The following FER variants were observed in gnomAD, a reference collection of about 807,000 sequenced individuals.
The protein encoded by FER is tyrosine-protein kinase Fer.
A neutral mutation model predicts 111.0 loss-of-function variants in FER; 63 were observed. That is an observed-to-expected ratio of 0.57 (90% CI 0.46 to 0.70). The LOEUF is 0.70. FER is among the 30% of genes least tolerant of loss of function. The pLI, the probability that FER is intolerant of heterozygous loss-of-function variation, is 0.00. For missense variants in FER, 914 were observed against 954.0 expected, an observed-to-expected ratio of 0.96 and a Z score of 0.55; for synonymous variants, 327 against 313.9, an observed-to-expected ratio of 1.04 and a Z score of -0.44.
chr5:108,845,348 T>C (rs778904130), intron 5 of FER, among the ~76,000 whole-genome samples: 6 of 151,160 alleles, frequency 4.0e-5, no homozygotes, highest in Non-Finnish European at 8.8e-5. Flanking sequence ...ATTTTTTGTG[T>C]ATATATATTT....
intron 1 of FER, among the ~76,000 whole-genome samples, chr5:108,757,351 T>C (rs1190316581): frequency 6.6e-6 from 1 of 152,178 alleles, no homozygotes; most frequent in Non-Finnish European, 1.5e-5. Flanking sequence ...CTATAACTTC[T>C]GTGAAGTTAT....
intron 3 of FER, among the ~76,000 whole-genome samples, chr5:108,803,062 T>C (rs550520382): frequency 9.2e-5 from 14 of 152,330 alleles, no homozygotes; most frequent in East Asian, 3.9e-4. Flanking sequence ...TGGTATCTCA[T>C]TGTGGTCTTG....
chr5:109,018,273 G>C (rs1767457254), intron 13 of FER, among the ~76,000 whole-genome samples: 1 of 151,694 alleles, frequency 6.6e-6, no homozygotes, highest in African/African-American at 2.4e-5. Context: ...GTCATTGAGT[G>C]GTTTTGCTTT....
At chr5:109,017,466 CAT>C (rs999488771) in intron 13 of FER, among the ~76,000 whole-genome samples, 1 of 151,840 alleles carries the variant, frequency 6.6e-6, no homozygotes, top group Non-Finnish European at 1.5e-5. Context: ...ACCCAAATGA[CAT>C]AGTAAGATTT....
At chr5:108,892,323 A>G (rs1452242099) in intron 9 of FER, among the ~76,000 whole-genome samples, 5 of 152,030 alleles carry the variant, frequency 3.3e-5, no homozygotes, top group African/African-American at 1.2e-4. Context: ...CCTCTCCAGC[A>G]CCTGTTGTTT....
chr5:109,010,534 GTCTCCAAGGATCAACACCTGGA>G (rs1766127498), intron 13 of FER, among the ~76,000 whole-genome samples: 1 of 151,666 alleles, frequency 6.6e-6, no homozygotes, highest in African/African-American at 2.4e-5. Flanking sequence ...ATTTATAATC[GTCTCCAAGGATCAACACCTGGA>G]TCTCCTGTGG....
intron 5 of FER, among the ~76,000 whole-genome samples, chr5:108,867,254 A>G (rs891833845): frequency 6.6e-6 from 1 of 152,158 alleles, no homozygotes; most frequent in South Asian, 2.1e-4. Context: ...ATGAAGGGAA[A>G]AAAGGAAGGT....
chr5:109,152,957 A>C (rs572809517), intron 17 of FER, among the ~76,000 whole-genome samples: 8 of 151,992 alleles, frequency 5.3e-5, no homozygotes, highest in Admixed American at 2.6e-4. Context: ...GTGGATTAAC[A>C]AAACATAGAT....
At chr5:109,054,799 A>C (rs1017477474) in intron 16 of FER, among the ~76,000 whole-genome samples, 1 of 152,178 alleles carries the variant, frequency 6.6e-6, no homozygotes, top group African/African-American at 2.4e-5. Context: ...TATTTTTGGC[A>C]TGTGGATATC....
intron 17 of FER, among the ~76,000 whole-genome samples, chr5:109,137,937 A>G (rs72796591): frequency 0.041 from 6,200 of 152,152 alleles, 153 homozygotes; most frequent in Middle Eastern, 0.11. Flanking sequence ...ATCCTGGCCT[A>G]TTTTCTCCCG....
intron 19 of FER, among the ~76,000 whole-genome samples, chr5:109,186,643 A>C (rs954197192): frequency 6.6e-6 from 1 of 152,208 alleles, no homozygotes; most frequent in Non-Finnish European, 1.5e-5. Context: ...ATGCCAGATA[A>C]ACCTCCTTTT....
intron 17 of FER, among the ~76,000 whole-genome samples, chr5:109,103,226 G>C (rs1374955633): frequency 6.6e-6 from 1 of 152,010 alleles, no homozygotes; most frequent in African/African-American, 2.4e-5. Context: ...GCAAATTCTA[G>C]CAAAAATTTT....
intron 3 of FER, among the ~76,000 whole-genome samples, chr5:108,824,093 G>A (rs567510678): frequency 9.2e-5 from 14 of 152,152 alleles, no homozygotes; most frequent in Admixed American, 8.5e-4. Flanking sequence ...TTGTATATGT[G>A]TGGGTTTATT....
At chr5:109,081,453 CCAAA>C (rs1270277394) in intron 16 of FER, among the ~76,000 whole-genome samples, 1 of 151,928 alleles carries the variant, frequency 6.6e-6, no homozygotes, top group African/African-American at 2.4e-5. Flanking sequence ...CTGTTTATGG[CCAAA>C]CATTTTTCTG....
intron 10 of FER, among the ~76,000 whole-genome samples, chr5:108,944,159 A>G (rs1756668421): frequency 6.6e-6 from 1 of 151,824 alleles, no homozygotes; most frequent in Non-Finnish European, 1.5e-5. Context: ...ACACTGTCTC[A>G]TTTAATTTTA....
chr5:109,059,860 C>T (rs1368323137), intron 16 of FER, among the ~76,000 whole-genome samples: 3 of 152,138 alleles, frequency 2.0e-5, no homozygotes, highest in Non-Finnish European at 4.4e-5. Context: ...AACCTCTGTC[C>T]GTGCAAATAC....
intron 13 of FER, among the ~76,000 whole-genome samples, chr5:109,014,599 T>C (rs895305731): frequency 9.9e-5 from 15 of 152,168 alleles, no homozygotes; most frequent in African/African-American, 3.4e-4. Context: ...TTTGAAGTAG[T>C]TTTTTCCAAT....
At chr5:109,178,856 G>A (rs1208706062) in intron 17 of FER, among the ~76,000 whole-genome samples, 1 of 152,068 alleles carries the variant, frequency 6.6e-6, no homozygotes, top group Non-Finnish European at 1.5e-5. Context: ...CAGAAATTTT[G>A]GTTGTGAGTG....
intron 16 of FER, among the ~76,000 whole-genome samples, chr5:109,056,953 C>A (rs928078958): frequency 6.6e-6 from 1 of 152,032 alleles, no homozygotes; most frequent in African/African-American, 2.4e-5. Context: ...ATTAGTTTTT[C>A]AGTTTCTATA....
Sources: allele counts gnomAD v4.1 joint callset (sites outside exome capture counted in the v4.1 genomes callset), GRCh38; gene constraint gnomAD v4.1.1; transcripts MANE v1.5; gene names NCBI Gene and HGNC (gene_info 2026-07-23, HGNC 2026-07-21).